MBD5: variants seen among roughly 807,000 people sequenced by gnomAD.
MBD5 encodes methyl-CpG binding domain protein 5, also known as methyl-CpG-binding domain protein 5.
A neutral mutation model predicts 117.3 loss-of-function variants in MBD5; 13 were observed. That is an observed-to-expected ratio of 0.11 (90% confidence interval 0.07 to 0.18). The LOEUF (loss-of-function observed/expected upper bound fraction) is 0.18, where lower values mean the gene tolerates loss of function less well. Among genes scored for constraint, MBD5 ranks in the 10% least tolerant of loss-of-function variants. The pLI, the probability that MBD5 is intolerant of heterozygous loss-of-function variation, is 1.00. For synonymous variants in MBD5, 727 were observed against 766.4 expected (o/e 0.95, Z 0.85); for missense variants, 1,879 against 2,093.8 (o/e 0.90, Z 2.00).
At chr2:148,270,011 T>G (rs925744535) in intron 3 of MBD5, among the ~76,000 whole-genome samples, 4 of 152,136 alleles carry the variant, frequency 2.6e-5, no homozygotes, top group African/African-American at 9.7e-5. Flanking sequence ...TATTCTTTCT[T>G]TAAGATATCC....
chr2:148,144,775 T>G (rs1697408235), intron 1 of MBD5, among the ~76,000 whole-genome samples: 1 of 152,188 alleles, frequency 6.6e-6, no homozygotes, highest in Non-Finnish European at 1.5e-5. Context: ...TGGTATTATT[T>G]CTGAGGGCTC....
chr2:148,271,539 G>GTACA (rs1414246842), intron 3 of MBD5, among the ~76,000 whole-genome samples: 1 of 152,058 alleles, frequency 6.6e-6, no homozygotes, highest in Non-Finnish European at 1.5e-5. Flanking sequence ...AGTTCATAAA[G>GTACA]TACATATCCT....
chr2:148,268,472 G>A (rs1700911004), intron 3 of MBD5, among the ~76,000 whole-genome samples: 1 of 151,656 alleles, frequency 6.6e-6, no homozygotes, highest in Non-Finnish European at 1.5e-5. Context: ...TTTTTTAACA[G>A]CCCATCTTTT....
At chr2:148,141,849 C>T (rs1697324138) in intron 1 of MBD5, among the ~76,000 whole-genome samples, 1 of 151,788 alleles carries the variant, frequency 6.6e-6, no homozygotes, top group Non-Finnish European at 1.5e-5. Flanking sequence ...CAGTGGCTTA[C>T]ATCCGTAATC....
chr2:148,136,989 C>T (rs1340492018), intron 1 of MBD5, among the ~76,000 whole-genome samples: 4 of 152,036 alleles, frequency 2.6e-5, no homozygotes, highest in African/African-American at 7.2e-5. Flanking sequence ...CTCAAACTTC[C>T]GAACTCAGGT....
intron 2 of MBD5, among the ~76,000 whole-genome samples, chr2:148,231,922 C>T (rs1699997371): frequency 6.6e-6 from 1 of 151,968 alleles, no homozygotes; most frequent in African/African-American, 2.4e-5. Context: ...AGAATGAAGG[C>T]CAATGGTGAA....
chr2:148,215,037 A>G (rs1699518043), intron 2 of MBD5, among the ~76,000 whole-genome samples: 1 of 152,222 alleles, frequency 6.6e-6, no homozygotes, highest in Non-Finnish European at 1.5e-5. Context: ...ATATGTTAAT[A>G]TATCACTTAA....
At chr2:148,492,387 A>G (rs919324868) in intron 11 of MBD5, among the ~76,000 whole-genome samples, 1 of 151,984 alleles carries the variant, frequency 6.6e-6, no homozygotes, top group Non-Finnish European at 1.5e-5. Context: ...TTGGATTCTC[A>G]AGTAAAAACC....
chr2:148,235,555 T>C (rs376839863), intron 3 of MBD5, among the ~76,000 whole-genome samples: 49 of 152,290 alleles, frequency 3.2e-4, no homozygotes, highest in Middle Eastern at 6.8e-3. Flanking sequence ...CAAAAACTTT[T>C]AGAGGTTAGA....
chr2:148,125,054 T>G (rs1205849932), intron 1 of MBD5, among the ~76,000 whole-genome samples: 1 of 151,866 alleles, frequency 6.6e-6, no homozygotes, highest in African/African-American at 2.4e-5. Context: ...ACGTAAGATT[T>G]AATTATATCT....
chr2:148,274,725 G>GTT (rs34560513), intron 3 of MBD5, among the ~76,000 whole-genome samples: 2,604 of 143,864 alleles, frequency 0.018, 42 homozygotes, highest in African/African-American at 0.038. Context: ...GAGTTTTTTT[G>GTT]TTTTTTTTTT....
chr2:148,446,240 T>C (rs1010790985), intron 4 of MBD5, among the ~76,000 whole-genome samples: 1 of 152,222 alleles, frequency 6.6e-6, no homozygotes, highest in Non-Finnish European at 1.5e-5. Context: ...TGCCTAGGTT[T>C]TCTTCTAGGG....
intron 4 of MBD5, among the ~76,000 whole-genome samples, chr2:148,389,680 T>C (rs988368634): frequency 5.9e-5 from 9 of 152,096 alleles, no homozygotes; most frequent in Non-Finnish European, 1.0e-4. Flanking sequence ...TCCCTGATGA[T>C]TAGTGATGTT....
At chr2:148,043,533 C>G (rs1386224895) in intron 1 of MBD5, among the ~76,000 whole-genome samples, 2 of 152,010 alleles carry the variant, frequency 1.3e-5, no homozygotes, top group African/African-American at 4.8e-5. Context: ...TCGATTTTAA[C>G]AAGGATTGCC....
intron 3 of MBD5, among the ~76,000 whole-genome samples, chr2:148,282,570 G>A (rs1044897760): frequency 2.0e-5 from 3 of 149,988 alleles, no homozygotes; most frequent in Non-Finnish European, 3.0e-5. Context: ...GTGTGTGTGT[G>A]TATATATATA....
At chr2:148,305,545 C>G (rs774638753) in intron 3 of MBD5, among the ~76,000 whole-genome samples, 1 of 152,186 alleles carries the variant, frequency 6.6e-6, no homozygotes, top group African/African-American at 2.4e-5. Flanking sequence ...AGAGAAGCAA[C>G]CCCACACATT....
chr2:148,371,377 A>G (rs1440793773), intron 4 of MBD5, among the ~76,000 whole-genome samples: 1 of 152,146 alleles, frequency 6.6e-6, no homozygotes, highest in Non-Finnish European at 1.5e-5. Context: ...TTAGCAAGAG[A>G]ATAACTGTCT....
rs1701948279 is a variant in MBD5 at position 148,308,487 on chromosome 2, C to CTTTTTTTTTTTTTTTTTTTTTTTTTT, written c.-679-33724_-679-33723insTTTTTTTTTTTTTTTTTTTTTTTTTT. ...ACTTCTCCCACTTTTTGATGGGGTT[C>CTTTTTTTTTTTTTTTTTTTTTTTTTT]TTTCTTTTTTTTTTTTTTTTTTTTT... On this transcript the variant is annotated intron_variant, in intron 3 of 13. Transcript: ENST00000642680. Among the ~76,000 whole-genome samples, 3 of 27,698 alleles carry CTTTTTTTTTTTTTTTTTTTTTTTTTT rather than the reference C, an allele frequency of 1.1e-4. 1 individual carries two copies. Among genetic ancestry groups the CTTTTTTTTTTTTTTTTTTTTTTTTTT allele is most frequent in the Non-Finnish European group, 1.9e-4 (2 of 10,414 alleles). The allele number at this position is 27,698 out of a possible 152,430, so 18.2% of individuals were successfully genotyped here. A position where few individuals can be genotyped will look rare whatever the true frequency, so the allele number is the denominator to read the frequency against.
intron 4 of MBD5, among the ~76,000 whole-genome samples, chr2:148,446,602 C>CTGTGTGTGTGTGTGTGTGTGTGTG (rs1185100489): frequency 6.7e-6 from 1 of 148,784 alleles, no homozygotes; most frequent in Non-Finnish European, 1.5e-5. Context: ...GATTATTTAT[C>CTGTGTGTGTGTGTGTGTGTGTGTG]TGTGTGTGTG....
Sources: gnomAD v4.1 joint callset for allele counts (sites outside exome capture counted in the v4.1 genomes callset) on GRCh38, gnomAD v4.1.1 for gene constraint, MANE v1.5 for transcripts, NCBI Gene and HGNC (gene_info 2026-07-23, HGNC 2026-07-21) for gene names.